LIPA: variants seen among roughly 807,000 people sequenced by gnomAD.
LIPA encodes the protein lipase A, lysosomal acid type.
A neutral mutation model predicts 40.6 loss-of-function variants in LIPA; 26 were observed. That is an observed-to-expected ratio of 0.64 (90% CI 0.47 to 0.89). The LOEUF (loss-of-function observed/expected upper bound fraction) is 0.89, where lower values mean the gene tolerates loss of function less well. Ranked by LOEUF, LIPA falls within the 40% of genes least tolerant of loss-of-function variation. The pLI is 0.00. For synonymous variants in LIPA, 188 were observed against 168.4 expected, an observed-to-expected ratio of 1.12 and a Z score of -0.90; for missense variants, 455 against 479.6, an observed-to-expected ratio of 0.95 and a Z score of 0.48.
At chr10:89,332,162 C>G (rs1843659963) in intron 1 of LIPA, among the ~76,000 whole-genome samples, 1 of 152,192 alleles carries the variant, frequency 6.6e-6, no homozygotes, top group Non-Finnish European at 1.5e-5. Flanking sequence ...ACCCGAGAGG[C>G]AGAAATTGCA....
At chr10:89,399,188 A>G (rs891549628) in intron 2 of LIPA, among the ~76,000 whole-genome samples, 3 of 152,122 alleles carry the variant, frequency 2.0e-5, no homozygotes, top group African/African-American at 7.2e-5. Context: ...GGAAATGTCT[A>G]TTTAAGTCCT....
At chr10:89,272,611 C>T (rs769448532) in intron 1 of LIPA, among the ~76,000 whole-genome samples, 3 of 152,168 alleles carry the variant, frequency 2.0e-5, no homozygotes, top group African/African-American at 4.8e-5. Flanking sequence ...GGTACATACC[C>T]GGTAATGGGA....
chr10:89,381,113 G>A (rs1345113671), intron 2 of LIPA, among the ~76,000 whole-genome samples: 2 of 152,168 alleles, frequency 1.3e-5, no homozygotes, highest in Non-Finnish European at 2.9e-5. Context: ...AATGTGCTGG[G>A]TGGGCTAGCA....
chr10:89,229,326 A>G (rs1413483188), intron 3 of LIPA, among the ~76,000 whole-genome samples: 3 of 152,208 alleles, frequency 2.0e-5, no homozygotes, highest in Admixed American at 6.5e-5. Flanking sequence ...AGGGGTTAGG[A>G]GGGAGGAAGG....
rs746832424 is a variant in LIPA at position 89,340,160 on chromosome 10, T to C, written c.-2+2451A>G. 1.2e-5 allele frequency: 18 copies of C among 1,540,314 alleles called. No individual in the cohort carries two copies. In the South Asian group the frequency reaches 2.1e-4, roughly 18 times the overall value. On this transcript the variant is annotated intron_variant, in intron 1 of 5. Coordinates refer to the LIPA transcript ENST00000282673. ...GGAGGAAAACAGAGCATCAGAAGCC[T>C]GCAGTGGTGGTTGTGACGGGTAGGA...
chr10:89,320,028 T>C (rs1248527532), intron 1 of LIPA, among the ~76,000 whole-genome samples: 1 of 152,182 alleles, frequency 6.6e-6, no homozygotes, highest in African/African-American at 2.4e-5. Context: ...CCCTTCATGC[T>C]AAAAACTCTC....
chr10:89,393,180 TGTGGGTAATACA>T (rs745607507), intron 2 of LIPA: 1 of 1,290,318 alleles, frequency 7.8e-7, no homozygotes, highest in South Asian at 1.2e-5. Flanking sequence ...TCTGATGTCT[TGTGGGTAATACA>T]GTGGAGATGT....
At chr10:89,357,550 A>G (rs1041980794) in intron 2 of LIPA, among the ~76,000 whole-genome samples, 8 of 152,234 alleles carry the variant, frequency 5.3e-5, no homozygotes, top group African/African-American at 1.9e-4. Flanking sequence ...AAAGAAAATA[A>G]AGTTGTGTTA....
chr10:89,264,770 T>C (rs1327773101), intron 1 of LIPA, among the ~76,000 whole-genome samples: 3 of 152,206 alleles, frequency 2.0e-5, no homozygotes, highest in Non-Finnish European at 4.4e-5. Context: ...GTTCTCACTC[T>C]GGGCTGTGGA....
intron 2 of LIPA, among the ~76,000 whole-genome samples, chr10:89,372,831 A>G (rs534861108): frequency 1.3e-5 from 2 of 152,302 alleles, no homozygotes; most frequent in Admixed American, 1.3e-4. Flanking sequence ...ATAGACATGG[A>G]CTTTTCAAGT....
chr10:89,220,558 T>TG (rs978827306), intron 8 of LIPA, among the ~76,000 whole-genome samples: 2 of 152,184 alleles, frequency 1.3e-5, no homozygotes, highest in Non-Finnish European at 2.9e-5. Flanking sequence ...ATTCCTTAAG[T>TG]GGTAAGCATG....
chr10:89,355,542 C>A (rs1589620142), intron 2 of LIPA, among the ~76,000 whole-genome samples: 2 of 152,144 alleles, frequency 1.3e-5, no homozygotes, highest in South Asian at 2.1e-4. Context: ...ACATTTGAAC[C>A]AGAGAAACTC....
At chr10:89,402,610 C>A in intron 2 of LIPA, 1 of 1,614,184 alleles carries the variant, frequency 6.2e-7, no homozygotes, top group South Asian at 1.1e-5. Context: ...GGCAGACTGG[C>A]AGAAGCCCAG....
chr10:89,393,251 C>G, intron 2 of LIPA: 1 of 1,289,860 alleles, frequency 7.8e-7, no homozygotes, highest in Non-Finnish European at 1.0e-6. Context: ...GTCTCACTTT[C>G]TGCACTGCTG....
At chr10:89,311,837 A>G (rs1029344668) in intron 1 of LIPA, among the ~76,000 whole-genome samples, 1 of 152,132 alleles carries the variant, frequency 6.6e-6, no homozygotes, top group Non-Finnish European at 1.5e-5. Flanking sequence ...CCAGTCTTTA[A>G]TTTTTGTCAA....
intron 1 of LIPA, among the ~76,000 whole-genome samples, chr10:89,290,107 A>C (rs760428938): frequency 1.3e-5 from 2 of 152,126 alleles, no homozygotes; most frequent in Non-Finnish European, 2.9e-5. Context: ...GAGCCTAAAA[A>C]CTTGCCAACC....
upstream of LIPA, chr10:89,414,649 C>G: frequency 2.6e-6 from 2 of 759,214 alleles, no homozygotes; most frequent in Non-Finnish European, 3.9e-6. Flanking sequence ...AACAAAGACA[C>G]GCCGCGCGGC....
upstream of LIPA, among the ~76,000 whole-genome samples, chr10:89,344,743 G>T (rs766045602): frequency 1.3e-4 from 20 of 151,924 alleles, no homozygotes; most frequent in Non-Finnish European, 1.8e-4. Context: ...AGTTCTCAAA[G>T]AATTTCCAAG....
At chr10:89,410,097 A>T (rs554426624) in intron 2 of LIPA, among the ~76,000 whole-genome samples, 1 of 152,342 alleles carries the variant, frequency 6.6e-6, no homozygotes, top group East Asian at 1.9e-4. Flanking sequence ...ATACCTAAGT[A>T]AGGAAACTGA....
Sources: allele counts gnomAD v4.1 joint callset (sites outside exome capture counted in the v4.1 genomes callset), GRCh38; gene constraint gnomAD v4.1.1; transcripts MANE v1.5; gene names NCBI Gene and HGNC (gene_info 2026-07-23, HGNC 2026-07-21).